SETBP1: variants seen among roughly 807,000 people sequenced by gnomAD.
SETBP1 encodes the protein SET binding protein 1, also known as SET-binding protein.
A neutral mutation model predicts 101.0 loss-of-function variants in SETBP1; 9 were observed. The ratio of observed to expected loss-of-function variants is 0.09; its 90% CI spans 0.05 to 0.16. SETBP1 has a LOEUF of 0.16. Ranked by LOEUF, SETBP1 falls within the 10% of genes least tolerant of loss-of-function variation. The pLI is 1.00. For synonymous variants in SETBP1, 818 were observed against 788.5 expected (o/e 1.04, Z -0.63); for missense variants, 1,858 against 2,033.8 (o/e 0.91, Z 1.66).
At chr18:45,020,324 G>A (rs1031291413) in intron 4 of SETBP1, among the ~76,000 whole-genome samples, 4 of 145,506 alleles carry the variant, frequency 2.7e-5, no homozygotes, top group South Asian at 2.2e-4. Context: ...CAACACTAGG[G>A]CATGTCCTTC....
At chr18:44,745,306 G>T (rs547694830) in intron 2 of SETBP1, among the ~76,000 whole-genome samples, 1 of 152,168 alleles carries the variant, frequency 6.6e-6, no homozygotes, top group African/African-American at 2.4e-5. Context: ...GTATTCTTTT[G>T]GTGTGTTTCT....
intron 4 of SETBP1, among the ~76,000 whole-genome samples, chr18:45,030,070 G>A (rs957493186): frequency 4.0e-5 from 6 of 148,428 alleles, no homozygotes; most frequent in Non-Finnish European, 9.0e-5. Context: ...GTTGAGAGAG[G>A]GCATCCCTGT....
chr18:44,700,233 T>G (rs2069093004), intron 1 of SETBP1, among the ~76,000 whole-genome samples: 1 of 152,080 alleles, frequency 6.6e-6, no homozygotes, highest in Admixed American at 6.5e-5. Flanking sequence ...CTGTGACAGT[T>G]TGGAGAGAGC....
intron 5 of SETBP1, among the ~76,000 whole-genome samples, chr18:45,041,815 G>T (rs1039354723): frequency 2.0e-5 from 3 of 151,946 alleles, no homozygotes; most frequent in African/African-American, 4.8e-5. Flanking sequence ...AAATTAACCA[G>T]GTGTGGTGGC....
chr18:45,057,018 G>A (rs1240795286), intron 5 of SETBP1, among the ~76,000 whole-genome samples: 1 of 152,148 alleles, frequency 6.6e-6, no homozygotes, highest in African/African-American at 2.4e-5. Flanking sequence ...CCCAAAGTAT[G>A]TTAAGATGAT....
intron 2 of SETBP1, among the ~76,000 whole-genome samples, chr18:44,865,117 C>T (rs1421242534): frequency 6.6e-6 from 1 of 152,146 alleles, no homozygotes; most frequent in East Asian, 1.9e-4. Context: ...GATATAATCT[C>T]GAGTGGAGAT....
At chr18:44,954,183 C>T (rs747672864) in intron 4 of SETBP1, among the ~76,000 whole-genome samples, 9 of 152,126 alleles carry the variant, frequency 5.9e-5, no homozygotes, top group Non-Finnish European at 1.0e-4. Flanking sequence ...ACACAAAATC[C>T]TTCCCTGCTG....
intron 2 of SETBP1, among the ~76,000 whole-genome samples, chr18:44,719,732 A>G (rs927440472): frequency 2.0e-5 from 3 of 152,094 alleles, no homozygotes; most frequent in Non-Finnish European, 4.4e-5. Context: ...CCAATTTTAG[A>G]CTTGCAGCAG....
At chr18:44,725,860 A>G (rs141506580) in intron 2 of SETBP1, among the ~76,000 whole-genome samples, 1 of 152,280 alleles carries the variant, frequency 6.6e-6, no homozygotes, top group African/African-American at 2.4e-5. Flanking sequence ...ATAATAGACT[A>G]AGGCAGTTTC....
intron 4 of SETBP1, among the ~76,000 whole-genome samples, chr18:44,960,967 A>T (rs532998563): frequency 2.6e-5 from 4 of 152,340 alleles, no homozygotes; most frequent in African/African-American, 9.6e-5. Flanking sequence ...ATTCCAATGT[A>T]TTGCCTCCAG....
At chr18:44,886,448 G>C (rs1238442876) in intron 3 of SETBP1, among the ~76,000 whole-genome samples, 1 of 152,066 alleles carries the variant, frequency 6.6e-6, no homozygotes, top group Non-Finnish European at 1.5e-5. Flanking sequence ...AACTTACTTG[G>C]ATCAAAGCCT....
At chr18:45,061,521 C>T (rs534212655) in intron 5 of SETBP1, among the ~76,000 whole-genome samples, 1 of 152,300 alleles carries the variant, frequency 6.6e-6, no homozygotes. Flanking sequence ...ATTCATTGCT[C>T]GGTCAGTCTC....
At chr18:45,061,007 C>G (rs2073882829) in intron 5 of SETBP1, among the ~76,000 whole-genome samples, 1 of 152,152 alleles carries the variant, frequency 6.6e-6, no homozygotes, top group Non-Finnish European at 1.5e-5. Context: ...TATAATATAT[C>G]ACATAGCATT....
intron 3 of SETBP1, among the ~76,000 whole-genome samples, chr18:44,879,185 C>T (rs1166076352): frequency 1.3e-5 from 2 of 152,186 alleles, no homozygotes; most frequent in African/African-American, 4.8e-5. Flanking sequence ...AGCAACAAAA[C>T]ATAAATCTCT....
intron 2 of SETBP1, among the ~76,000 whole-genome samples, chr18:44,846,502 G>A (rs1235233460): frequency 6.6e-6 from 1 of 152,174 alleles, no homozygotes; most frequent in Non-Finnish European, 1.5e-5. Flanking sequence ...TATACATGGA[G>A]TCATATACAG....
chr18:44,951,178 T>G lies in SETBP1; in HGVS notation c.1838T>G (p.Ile613Ser). ...EGTSTSPVSP[I>S]SREFPGTKKR... is the part of the protein sequence containing the mutation. ...ACTTCCACCAGCCCCGTCAGTCCCA[T>G]CAGCCGAGAGTTTCCTGGCACTAAG... Residue 613 changes from isoleucine to serine, a missense_variant, in exon 4 of 6, where the codon ATC becomes AGC. By Grantham distance (142) the Ile-to-Ser change is moderately radical (BLOSUM62 -2). Coordinates refer to ENST00000649279, the MANE Select transcript of SETBP1 (RefSeq NM_015559.3). This position sits in a 1 kb window ranked among gnomAD's most constrained non-coding sequence, Gnocchi z 7.8. 1 of 1,614,074 alleles carries G rather than the reference T, an allele frequency of 6.2e-7. No homozygotes were observed. Among genetic ancestry groups the G allele is most frequent in the Non-Finnish European group, 8.5e-7 (1 of 1,180,020 alleles).
At chr18:44,876,690 A>G (rs934642573) in intron 3 of SETBP1, 1 of 1,518,648 alleles carries the variant, frequency 6.6e-7, no homozygotes. Flanking sequence ...CATTCCCCGC[A>G]AAACCCGGTT....
intron 4 of SETBP1, among the ~76,000 whole-genome samples, chr18:44,985,132 C>A (rs574923462): frequency 6.6e-6 from 1 of 152,096 alleles, no homozygotes; most frequent in African/African-American, 2.4e-5. Context: ...CAGAGACTGT[C>A]GCCTTTTGAA....
At position 44,696,703 on chromosome 18, in the gene SETBP1, T is replaced by C. The variant is rs559020592; in HGVS notation, c.-172-4472T>C. ...CAGGGCAAAATTACAAAGTGTTAAG[T>C]ATGAAACAGACTTTCGTCCCAACCC... On this transcript the variant is annotated intron_variant, in intron 1 of 5. Coordinates refer to ENST00000649279, the MANE Select transcript of SETBP1 (RefSeq NM_015559.3). 3.9e-5 allele frequency among the ~76,000 whole-genome samples: 6 copies of C among 152,308 alleles called. No individual in the cohort carries two copies. The East Asian group carries it at 5.8e-4, about 15-fold the overall frequency.
Sources: gnomAD v4.1 joint callset for allele counts (sites outside exome capture counted in the v4.1 genomes callset) on GRCh38, gnomAD v4.1.1 for gene constraint, Gnocchi (gnomAD v3.1) non-coding constraint, MANE v1.5 for transcripts, NCBI Gene and HGNC (gene_info 2026-07-23, HGNC 2026-07-21) for gene names.